The following ANKRD18A variants were observed in gnomAD, a reference collection of about 807,000 sequenced individuals.
The protein encoded by ANKRD18A is ankyrin repeat domain-containing protein 18A.
A neutral mutation model predicts 110.6 loss-of-function variants in ANKRD18A; 72 were observed. That is an observed-to-expected ratio of 0.65 (90% confidence interval 0.54 to 0.79). ANKRD18A has a LOEUF of 0.79. Ranked by LOEUF, ANKRD18A falls within the 30% of genes least tolerant of loss-of-function variation. The probability of loss-of-function intolerance (pLI) is 0.00; values close to 1 mark genes in which losing one functional copy is unlikely to be tolerated. For missense variants in ANKRD18A, 934 were observed against 1,163.3 expected, an observed-to-expected ratio of 0.80 and a Z score of 2.87; for synonymous variants, 305 against 410.3, an observed-to-expected ratio of 0.74 and a Z score of 3.10.
intron 9 of ANKRD18A, among the ~76,000 whole-genome samples, chr9:38,594,196 G>T (rs868163950): frequency 6.6e-6 from 1 of 152,188 alleles, no homozygotes; most frequent in Admixed American, 6.5e-5. Flanking sequence ...TCAGTCGCCT[G>T]TTGAAATCCT....
intron 1 of ANKRD18A, among the ~76,000 whole-genome samples, chr9:38,617,524 T>C (rs1825908492): frequency 6.6e-6 from 1 of 152,246 alleles, no homozygotes; most frequent in South Asian, 2.1e-4. Flanking sequence ...TGGCTCATTT[T>C]AGTCAACACT....
intron 3 of ANKRD18A, among the ~76,000 whole-genome samples, chr9:38,614,309 G>T (rs1407918207): frequency 7.5e-6 from 1 of 133,968 alleles, no homozygotes. Flanking sequence ...GTTTCACCAT[G>T]TTAGCCAGGA....
Position 38,608,653 on chromosome 9 carries a change from TATAA to T in ANKRD18A, c.741-1164_741-1161del, listed in dbSNP as rs921236919. Among the ~76,000 whole-genome samples, 18 of 146,222 alleles carry T rather than the reference TATAA, an allele frequency of 1.2e-4. 2 individuals are homozygous for T. Among genetic ancestry groups the T allele is most frequent in the East Asian group, 5.9e-4 (3 of 5,098 alleles). On this transcript the variant is annotated intron_variant, in intron 5 of 15. Transcript: ENST00000399703. ...AAATATAAAAATATAAAATATAAACTATAAATAAAAATTTAAAATAACATAAATA... is the reference window on the plus strand; with the variant it reads ...AAATATAAAAATATAAAATATAAACTATAAAAATTTAAAATAACATAAATA...
At chr9:38,609,352 G>A (rs1825496100) in intron 5 of ANKRD18A, among the ~76,000 whole-genome samples, 1 of 152,126 alleles carries the variant, frequency 6.6e-6, no homozygotes, top group Non-Finnish European at 1.5e-5. Flanking sequence ...ATGGTGGCGG[G>A]CGCCTGTAGT....
At chr9:38,617,028 G>A (rs577645560) in intron 1 of ANKRD18A, among the ~76,000 whole-genome samples, 1 of 152,296 alleles carries the variant, frequency 6.6e-6, no homozygotes, top group Middle Eastern at 3.4e-3. Flanking sequence ...CAGGTCTAGG[G>A]CAATTCTAGG....
chr9:38,610,559 T>A, intron 4 of ANKRD18A, 149 bp from the exon 5 acceptor site: 1 of 1,171,560 alleles, frequency 8.5e-7, no homozygotes, highest in African/African-American at 1.6e-5. Flanking sequence ...ATAAGCATCT[T>A]GGGTGCTCAA....
At chr9:38,598,897 AG>A (rs1298049652) in intron 8 of ANKRD18A, among the ~76,000 whole-genome samples, 1 of 152,198 alleles carries the variant, frequency 6.6e-6, no homozygotes, top group South Asian at 2.1e-4. Context: ...CTTTGGAGTG[AG>A]CAAACCACAA....
At position 38,571,805 on chromosome 9, in the gene ANKRD18A, A is replaced by T. The variant is rs200409646; in HGVS notation, c.*240T>A. 2 of 1,115,286 alleles carry T rather than the reference A, an allele frequency of 1.8e-6. No homozygotes were observed. The highest frequency in any genetic ancestry group is 3.3e-5 in the African/African-American group (2 of 60,848). The allele number at this position is 1,115,286 out of a possible 1,614,324, so 69.1% of individuals were successfully genotyped here. ...TTAAAACTTAAGGAGGCTAAAAAACATCATTTAAAATAACATATAAATATA... is the reference window on the plus strand; with the variant it reads ...TTAAAACTTAAGGAGGCTAAAAAACTTCATTTAAAATAACATATAAATATA... On this transcript the variant is annotated 3_prime_UTR_variant, in exon 16 of 16. Coordinates refer to ENST00000399703, the MANE Select transcript of ANKRD18A (RefSeq NM_147195.4).
chr9:38,599,284 GT>G (rs1825019847), intron 8 of ANKRD18A, among the ~76,000 whole-genome samples: 2 of 152,282 alleles, frequency 1.3e-5, no homozygotes, highest in South Asian at 4.1e-4. Flanking sequence ...ATACCACAGA[GT>G]TAGACACTCC....
At chr9:38,572,625 A>C (rs1356586414) in intron 15 of ANKRD18A, 2 of 153,378 alleles carry the variant, frequency 1.3e-5, no homozygotes, top group African/African-American at 4.8e-5. Flanking sequence ...TTGGTGCTAG[A>C]GCAAAGGGCA....
intron 8 of ANKRD18A, among the ~76,000 whole-genome samples, chr9:38,600,463 A>G (rs1457830094): frequency 1.3e-5 from 2 of 152,248 alleles, no homozygotes; most frequent in Admixed American, 6.5e-5. Context: ...TTATCTGCTT[A>G]TACCCAGATC....
At chr9:38,580,024 C>T (rs1824085450) in intron 12 of ANKRD18A, among the ~76,000 whole-genome samples, 1 of 152,188 alleles carries the variant, frequency 6.6e-6, no homozygotes, top group Non-Finnish European at 1.5e-5. Flanking sequence ...TACTTGTAGC[C>T]ACGTGGCTCA....
Position 38,575,711 on chromosome 9 carries a change from C to T in ANKRD18A, c.2742-13G>A. 2 of 1,536,952 alleles carry T rather than the reference C, an allele frequency of 1.3e-6. No individual in the cohort carries two copies. The highest frequency in any genetic ancestry group is 1.8e-6 in the Non-Finnish European group (2 of 1,140,662). On this transcript the variant is annotated splice_polypyrimidine_tract_variant and intron_variant, in intron 14 of 15. Transcript: ENST00000399703. Reference sequence around the variant, plus strand: ...TTTCTTATCCGATCTGTAAAGAGAGCAAAGACAAATGCTTAGTATTTCATT... The same window carrying T: ...TTTCTTATCCGATCTGTAAAGAGAGTAAAGACAAATGCTTAGTATTTCATT...
intron 15 of ANKRD18A, among the ~76,000 whole-genome samples, chr9:38,573,732 A>G (rs1823760611): frequency 6.6e-6 from 1 of 152,130 alleles, no homozygotes; most frequent in African/African-American, 2.4e-5. Flanking sequence ...GAAAAAAAAA[A>G]GGTTAAACAA....
At chr9:38,600,488 C>A (rs1825072439) in intron 8 of ANKRD18A, among the ~76,000 whole-genome samples, 1 of 152,172 alleles carries the variant, frequency 6.6e-6, no homozygotes, top group Non-Finnish European at 1.5e-5. Context: ...ATATTCTAAG[C>A]TCCACTAGTG....
intron 5 of ANKRD18A, among the ~76,000 whole-genome samples, chr9:38,608,565 CTA>C (rs1008677332): frequency 7.0e-6 from 1 of 143,048 alleles, no homozygotes; most frequent in Non-Finnish European, 1.5e-5. Context: ...TAATCTATAA[CTA>C]TATAATAATA....
rs1335503633 is a variant in ANKRD18A at position 38,599,220 on chromosome 9, T to C, written c.936+1911A>G. Among the ~76,000 whole-genome samples, 3 of 152,166 alleles carry C rather than the reference T, an allele frequency of 2.0e-5. No homozygotes were observed. The East Asian group carries it at 5.8e-4, about 29-fold the overall frequency. On this transcript the variant is annotated intron_variant, in intron 8 of 15. Transcript: ENST00000399703. ...GTGTTGGAGGGACCCAGAGTATAAA[T>C]GCAACGATAAGACCTGAGTGAGATG... is the stretch of plus-strand genomic sequence containing the variant.
chr9:38,609,940 C>CAA lies in ANKRD18A; in HGVS notation c.740+331_740+332dup, dbSNP rs1312973805. Reference sequence around the variant, plus strand: ...TGAGCAACATAGTGAGACCTTGTCTCAAAAAAAAAAAAAAAAAGGAAGAAA... The same window carrying CAA: ...TGAGCAACATAGTGAGACCTTGTCTCAAAAAAAAAAAAAAAAAAAGGAAGAAA... On this transcript the variant is annotated intron_variant, in intron 5 of 15. Transcript: ENST00000399703. Among the ~76,000 whole-genome samples, 813 of 91,022 alleles carry CAA rather than the reference C, an allele frequency of 8.9e-3. 8 individuals carry two copies. Among genetic ancestry groups the CAA allele is most frequent in the Non-Finnish European group, 0.01 (456 of 44,410 alleles). 59.7% of individuals were successfully genotyped at this position (91,022 alleles called of 152,430 possible).
intron 12 of ANKRD18A, among the ~76,000 whole-genome samples, chr9:38,585,222 G>A (rs1472522408): frequency 6.6e-6 from 1 of 152,050 alleles, no homozygotes; most frequent in African/African-American, 2.4e-5. Context: ...CCAGCTAGGA[G>A]GCTTCATCTA....
Sources: gnomAD v4.1 joint callset for allele counts (sites outside exome capture counted in the v4.1 genomes callset) on GRCh38, gnomAD v4.1.1 for gene constraint, MANE v1.5 for transcripts, NCBI Gene and HGNC (gene_info 2026-07-23, HGNC 2026-07-21) for gene names.